Variants in GABRB2 observed in about 807,000 individuals in gnomAD.
GABRB2 encodes gamma-aminobutyric acid type A receptor subunit beta2.
GABRB2 carries 16 observed loss-of-function variants against 54.7 expected under a neutral mutation model. That is an observed-to-expected ratio of 0.29 (90% CI 0.20 to 0.44). GABRB2 has a LOEUF of 0.44. GABRB2 is among the 20% of genes least tolerant of loss of function. The pLI is 1.00. For synonymous variants in GABRB2, 244 were observed against 233.8 expected (o/e 1.04, Z -0.40); for missense variants, 355 against 644.0 (o/e 0.55, Z 4.86).
intron 4 of GABRB2, among the ~76,000 whole-genome samples, chr5:161,449,514 C>G (rs112821717): frequency 1.3e-5 from 2 of 152,114 alleles, no homozygotes; most frequent in Non-Finnish European, 2.9e-5. Flanking sequence ...ACAAAATTTA[C>G]CGATTTCATG....
At chr5:161,329,644 A>G (rs1375304125) in intron 8 of GABRB2, 1 of 152,214 alleles carries the variant, frequency 6.6e-6, no homozygotes, top group Non-Finnish European at 1.5e-5. Flanking sequence ...AATTAATTTG[A>G]AGTTAGAAAT....
chr5:161,542,597 G>A (rs2113480748), intron 3 of GABRB2, among the ~76,000 whole-genome samples: 1 of 152,252 alleles, frequency 6.6e-6, no homozygotes, highest in Admixed American at 6.5e-5. Flanking sequence ...TTTACAAGGA[G>A]CATCACACTG....
chr5:161,321,817 T>C (rs1561606787), intron 9 of GABRB2, among the ~76,000 whole-genome samples: 1 of 152,272 alleles, frequency 6.6e-6, no homozygotes, highest in East Asian at 1.9e-4. Flanking sequence ...TACTAAGTAG[T>C]TAAATATGTT....
At chr5:161,334,941 C>A (rs200344378) in intron 6 of GABRB2, 37 bp from the exon 7 acceptor site, 42 of 1,597,752 alleles carry the variant, frequency 2.6e-5, no homozygotes, top group Middle Eastern at 1.7e-4. Context: ...CATTATCAAT[C>A]AATATTTATA....
chr5:161,343,859 C>G (rs548347689), intron 5 of GABRB2, among the ~76,000 whole-genome samples: 1 of 152,156 alleles, frequency 6.6e-6, no homozygotes, highest in African/African-American at 2.4e-5. Context: ...GTAATGTTGA[C>G]AAGTCAGAAA....
chr5:161,421,919 T>C (rs1405693178), intron 4 of GABRB2, among the ~76,000 whole-genome samples: 1 of 152,202 alleles, frequency 6.6e-6, no homozygotes, highest in Non-Finnish European at 1.5e-5. Context: ...GGAAAAATTC[T>C]TAGCAGCATT....
intron 5 of GABRB2, among the ~76,000 whole-genome samples, chr5:161,344,497 T>C (rs1754259403): frequency 6.6e-6 from 1 of 151,970 alleles, no homozygotes; most frequent in South Asian, 2.1e-4. Context: ...TTATGCTACA[T>C]ATGCTGGTAC....
chr5:161,334,664 AAATTTCAGGAT>A, intron 7 of GABRB2, 77 bp downstream of exon 7: 1 of 1,413,906 alleles, frequency 7.1e-7, no homozygotes, highest in Non-Finnish European at 9.8e-7. Flanking sequence ...CATGCACCAC[AAATTTCAGGAT>A]AAGGAAAACG....
chr5:161,341,369 A>C (rs1754151754), intron 5 of GABRB2, among the ~76,000 whole-genome samples: 1 of 152,038 alleles, frequency 6.6e-6, no homozygotes, highest in African/African-American at 2.4e-5. Context: ...AATGTACTGC[A>C]AATTAAACTC....
In GABRB2 at chr5:161,290,703, G is replaced by C. The variant is rs1397771236; in HGVS notation, c.*3378C>G. 1 of 152,390 alleles carries C rather than the reference G, an allele frequency of 6.6e-6. No homozygotes were observed. The highest frequency in any genetic ancestry group is 1.5e-5 in the Non-Finnish European group (1 of 67,986). 9.4% of individuals were successfully genotyped at this position (152,390 alleles called of 1,614,324 possible). ...AGACCTATTTTGATGATGTTGCTTT[G>C]CCATTTTTCTTGTTGAGTATGAAGG... On this transcript the variant is annotated 3_prime_UTR_variant, in exon 10 of 10. Coordinates refer to ENST00000393959, the MANE Select transcript of GABRB2 (RefSeq NM_001371727.1).
At chr5:161,370,681 T>C (rs1270356355) in intron 5 of GABRB2, among the ~76,000 whole-genome samples, 1 of 152,148 alleles carries the variant, frequency 6.6e-6, no homozygotes, top group Non-Finnish European at 1.5e-5. Flanking sequence ...AGCTTGTAAA[T>C]AAACTTAACA....
intron 4 of GABRB2, among the ~76,000 whole-genome samples, chr5:161,445,351 T>C (rs781487285): frequency 1.3e-5 from 2 of 152,196 alleles, no homozygotes; most frequent in Non-Finnish European, 2.9e-5. Context: ...TGTATTTTCA[T>C]TCTTTCTAAC....
At chr5:161,319,309 G>T (rs1355236912) in intron 9 of GABRB2, among the ~76,000 whole-genome samples, 1 of 149,090 alleles carries the variant, frequency 6.7e-6, no homozygotes, top group African/African-American at 2.4e-5. Context: ...TTTCCTAAGA[G>T]ATTTTAAATT....
At chr5:161,428,042 ATTCAAAAGCATATTAGACTCTGTT>A (rs1189480157) in intron 4 of GABRB2, among the ~76,000 whole-genome samples, 1 of 152,092 alleles carries the variant, frequency 6.6e-6, no homozygotes, top group Non-Finnish European at 1.5e-5. Context: ...CCCCTGCCCC[ATTCAAAAGCATATTAGACTCTGTT>A]TTCCTGAGAG....
chr5:161,292,398 C>T lies in GABRB2; in HGVS notation c.*1683G>A, dbSNP rs1757263349. The T allele has an allele frequency of 6.6e-6, 1 of 152,116 alleles. No homozygotes were observed. Among genetic ancestry groups the T allele is most frequent in the South Asian group, 2.1e-4 (1 of 4,814 alleles). 9.4% of individuals were successfully genotyped at this position (152,116 alleles called of 1,614,324 possible). The stretch of plus-strand genomic sequence containing the variant: ...AAATTCAACTTTAAGGAAAATTTAG[C>T]AATTCACTATTTTCTATAAGAAAAG... On this transcript the variant is annotated 3_prime_UTR_variant, in exon 10 of 10. Coordinates refer to ENST00000393959, the MANE Select transcript of GABRB2 (RefSeq NM_001371727.1).
In GABRB2 at chr5:161,291,792, T is replaced by C. The variant is rs1757244690; in HGVS notation, c.*2289A>G. The C allele has an allele frequency of 6.6e-6, 1 of 152,614 alleles. No homozygotes were observed. The highest frequency in any genetic ancestry group is 6.6e-5 in the Admixed American group (1 of 15,262). The allele number at this position is 152,614 out of a possible 1,614,324, so 9.5% of individuals were successfully genotyped here. On this transcript the variant is annotated 3_prime_UTR_variant, in exon 10 of 10. Coordinates refer to ENST00000393959, the MANE Select transcript of GABRB2 (RefSeq NM_001371727.1). ...TAAGAGCCCACTTCTACACTTGGGCTCTGAGTTGACTCTAGAAGAGCCTTT... is the reference window on the plus strand; with the variant it reads ...TAAGAGCCCACTTCTACACTTGGGCCCTGAGTTGACTCTAGAAGAGCCTTT...
chr5:161,469,285 G>A (rs1758367390), intron 3 of GABRB2, among the ~76,000 whole-genome samples: 1 of 151,836 alleles, frequency 6.6e-6, no homozygotes, highest in African/African-American at 2.4e-5. Flanking sequence ...AGGTTGGTAT[G>A]AAGAGAAAGA....
At chr5:161,438,773 G>C (rs1363394211) in intron 4 of GABRB2, among the ~76,000 whole-genome samples, 1 of 151,904 alleles carries the variant, frequency 6.6e-6, no homozygotes, top group Non-Finnish European at 1.5e-5. Flanking sequence ...GAATGCATCA[G>C]GGTCCCCTAA....
chr5:161,395,712 G>T (rs1193459956), intron 5 of GABRB2, among the ~76,000 whole-genome samples: 1 of 152,010 alleles, frequency 6.6e-6, no homozygotes, highest in Non-Finnish European at 1.5e-5. Flanking sequence ...TATACTGTAG[G>T]CAAAGAGAAG....
Sources: allele counts gnomAD v4.1 joint callset (sites outside exome capture counted in the v4.1 genomes callset), GRCh38; gene constraint gnomAD v4.1.1; transcripts MANE v1.5; gene names NCBI Gene and HGNC (gene_info 2026-07-23, HGNC 2026-07-21).